The following FOXN3 variants were observed in gnomAD, a reference collection of about 807,000 sequenced individuals.
FOXN3 encodes forkhead box N3, also known as forkhead box protein N3.
A neutral mutation model predicts 38.4 loss-of-function variants in FOXN3; 7 were observed. The observed-to-expected ratio is 0.18, with a 90% CI of 0.10 to 0.34. The LOEUF (loss-of-function observed/expected upper bound fraction) is 0.34. FOXN3 is among the 10% of genes least tolerant of loss of function. FOXN3 has a pLI of 1.00. For missense variants in FOXN3, 456 were observed against 613.4 expected, an observed-to-expected ratio of 0.74 and a Z score of 2.71; for synonymous variants, 230 against 242.2, an observed-to-expected ratio of 0.95 and a Z score of 0.47.
At chr14:89,226,996 AAGC>A (rs1884661056) in intron 4 of FOXN3, among the ~76,000 whole-genome samples, 2 of 152,232 alleles carry the variant, frequency 1.3e-5, no homozygotes, top group South Asian at 4.1e-4. Flanking sequence ...TCTGTTGTTG[AAGC>A]CGCTCCGTGC....
chr14:89,582,371 T>C (rs1270457817), intron 1 of FOXN3, among the ~76,000 whole-genome samples: 1 of 152,036 alleles, frequency 6.6e-6, no homozygotes, highest in Non-Finnish European at 1.5e-5. Context: ...CAGCACATAA[T>C]CAGCACGCAA....
At chr14:89,446,111 A>AAAAAAAAT (rs1203799928) in intron 1 of FOXN3, among the ~76,000 whole-genome samples, 2 of 142,750 alleles carry the variant, frequency 1.4e-5, no homozygotes, top group African/African-American at 5.1e-5. Flanking sequence ...AAAAAAAAAA[A>AAAAAAAAT]TTTTAAGGAA....
At chr14:89,253,483 T>C (rs553237984) in intron 4 of FOXN3, among the ~76,000 whole-genome samples, 103 of 152,176 alleles carry the variant, frequency 6.8e-4, no homozygotes, top group African/African-American at 2.4e-3. Flanking sequence ...TCCCAACAAA[T>C]AGACTGGACT....
chr14:89,577,666 G>A (rs1476365910), intron 1 of FOXN3, among the ~76,000 whole-genome samples: 2 of 152,086 alleles, frequency 1.3e-5, no homozygotes, highest in Non-Finnish European at 2.9e-5. Context: ...CTGTTCTCTA[G>A]GAAGTCATTC....
intron 1 of FOXN3, among the ~76,000 whole-genome samples, chr14:89,616,912 G>T (rs1236728707): frequency 6.6e-6 from 1 of 152,200 alleles, no homozygotes; most frequent in Non-Finnish European, 1.5e-5. Context: ...GTTGTAAAAT[G>T]ACCTTGATTT....
chr14:89,515,844 G>T (rs902465034), intron 1 of FOXN3, among the ~76,000 whole-genome samples: 1 of 152,196 alleles, frequency 6.6e-6, no homozygotes, highest in African/African-American at 2.4e-5. Context: ...AAAGCGAAGG[G>T]TGCTGAGCTG....
chr14:89,369,011 C>G (rs1354767760), intron 2 of FOXN3, among the ~76,000 whole-genome samples: 1 of 152,174 alleles, frequency 6.6e-6, no homozygotes, highest in Non-Finnish European at 1.5e-5. Context: ...GCCCTCTGGC[C>G]ACCATGTCAT....
At chr14:89,526,762 G>T (rs1458456409) in intron 1 of FOXN3, among the ~76,000 whole-genome samples, 1 of 152,004 alleles carries the variant, frequency 6.6e-6, no homozygotes, top group African/African-American at 2.4e-5. Context: ...CAATTCATAT[G>T]TAAGTACAAA....
chr14:89,590,683 A>ATTC (rs1895932787), intron 1 of FOXN3, among the ~76,000 whole-genome samples: 1 of 152,150 alleles, frequency 6.6e-6, no homozygotes, highest in South Asian at 2.1e-4. Flanking sequence ...GAGGCAAGCC[A>ATTC]TAGAAACTAG....
chr14:89,325,853 G>A (rs968923254), intron 3 of FOXN3, among the ~76,000 whole-genome samples: 2 of 152,196 alleles, frequency 1.3e-5, no homozygotes, highest in Admixed American at 1.3e-4. Flanking sequence ...CATTACCTGT[G>A]CCTCTTGGGG....
intron 1 of FOXN3, among the ~76,000 whole-genome samples, chr14:89,566,056 A>G (rs243185): frequency 0.21 from 32,701 of 152,208 alleles, 4,196 homozygotes; most frequent in East Asian, 0.42. Context: ...AATATCACTT[A>G]CTTTTCATCT....
At chr14:89,513,184 G>T (rs1294779628) in intron 1 of FOXN3, among the ~76,000 whole-genome samples, 1 of 140,392 alleles carries the variant, frequency 7.1e-6, no homozygotes, top group African/African-American at 2.6e-5. Context: ...AAGAAAGAAA[G>T]AAACTAGGTA....
At chr14:89,407,707 T>G (rs1038800516) in intron 2 of FOXN3, among the ~76,000 whole-genome samples, 7 of 151,428 alleles carry the variant, frequency 4.6e-5, no homozygotes, top group Non-Finnish European at 1.0e-4. Context: ...GGCATGGTGG[T>G]ATGTACTTGT....
At chr14:89,379,779 G>GCCTCCCGAGTAGCTGGGATTATAGGTGC (rs746312520) in intron 2 of FOXN3, among the ~76,000 whole-genome samples, 132 of 152,142 alleles carry the variant, frequency 8.7e-4, no homozygotes, top group Non-Finnish European at 1.5e-3. Context: ...TCCTGCCTCA[G>GCCTCCCGAGTAGCTGGGATTATAGGTGC]CCTCCCGAGT....
chr14:89,613,776 T>G (rs1436964499), intron 1 of FOXN3, among the ~76,000 whole-genome samples: 1 of 152,196 alleles, frequency 6.6e-6, no homozygotes, highest in Non-Finnish European at 1.5e-5. Context: ...TCCTTTCTAC[T>G]TCTATAGACT....
At chr14:89,224,992 G>A (rs897517848) in intron 4 of FOXN3, among the ~76,000 whole-genome samples, 1 of 151,932 alleles carries the variant, frequency 6.6e-6, no homozygotes, top group Non-Finnish European at 1.5e-5. Flanking sequence ...AGCTGGGTGT[G>A]GTGGTGCGTG....
At chr14:89,274,546 C>T (rs1296205569) in intron 4 of FOXN3, among the ~76,000 whole-genome samples, 7 of 152,102 alleles carry the variant, frequency 4.6e-5, no homozygotes, top group Non-Finnish European at 4.4e-5. Flanking sequence ...TTGTGAGAAA[C>T]ACATCTCGCA....
intron 1 of FOXN3, among the ~76,000 whole-genome samples, chr14:89,436,169 A>T (rs1449500507): frequency 6.6e-6 from 1 of 151,886 alleles, no homozygotes; most frequent in African/African-American, 2.4e-5. Context: ...ACTCATGGGT[A>T]GGAAGAAAGT....
chr14:89,177,009 C>CTTTTT lies in FOXN3; in HGVS notation c.851+3687_851+3691dup, dbSNP rs34575638. 7.0e-5 allele frequency among the ~76,000 whole-genome samples: 8 copies of CTTTTT among 114,202 alleles called. No homozygotes were observed. In the East Asian group the frequency reaches 7.4e-4, roughly 11 times the overall value. The allele number at this position is 114,202 out of a possible 152,430, so 74.9% of individuals were successfully genotyped here. A position where few individuals can be genotyped will look rare whatever the true frequency, so the allele number is the denominator to read the frequency against. Reference sequence around the variant, plus strand: ...TGGTTATCTCTCTCTCTCTTTCTTTCTTTTTTTTTTTTTTTTTTTTTGACA... The same window carrying CTTTTT: ...TGGTTATCTCTCTCTCTCTTTCTTTCTTTTTTTTTTTTTTTTTTTTTTTTTTGACA... On this transcript the variant is annotated intron_variant, in intron 5 of 5. Coordinates refer to ENST00000557258, the MANE Select transcript of FOXN3 (RefSeq NM_005197.4).
Sources: gnomAD v4.1 joint callset for allele counts (sites outside exome capture counted in the v4.1 genomes callset) on GRCh38, gnomAD v4.1.1 for gene constraint, MANE v1.5 for transcripts, NCBI Gene and HGNC (gene_info 2026-07-23, HGNC 2026-07-21) for gene names.